Variants in PTPRD observed in about 807,000 individuals in gnomAD.
PTPRD encodes the protein protein tyrosine phosphatase receptor type D.
Under a neutral mutation model 214.5 loss-of-function variants are expected in PTPRD, and 34 were observed. That is an observed-to-expected ratio of 0.16 (90% CI 0.12 to 0.21). The LOEUF is 0.21. PTPRD is among the 10% of genes least tolerant of loss of function. PTPRD has a pLI of 1.00. For missense variants in PTPRD, 2,545 were observed against 2,398.7 expected, an observed-to-expected ratio of 1.06 and a Z score of -1.27; for synonymous variants, 1,128 against 845.7, an observed-to-expected ratio of 1.33 and a Z score of -5.79.
At chr9:9,145,747 G>C (rs996711508) in intron 10 of PTPRD, among the ~76,000 whole-genome samples, 1 of 152,160 alleles carries the variant, frequency 6.6e-6, no homozygotes, top group Non-Finnish European at 1.5e-5. Context: ...AATAGAACTG[G>C]ATCTTGGTCA....
In PTPRD at chr9:8,929,955, A is replaced by G. The variant is rs1209095214; in HGVS notation, c.-104+88742T>C. On this transcript the variant is annotated intron_variant, in intron 11 of 45. Coordinates refer to ENST00000381196, the MANE Select transcript of PTPRD (RefSeq NM_002839.4). The stretch of plus-strand genomic sequence containing the variant: ...TGTATATATATATGTGTGTGTGTGT[A>G]TATATATATATAACTATTATTATAC... 5.4e-5 allele frequency among the ~76,000 whole-genome samples: 8 copies of G among 148,958 alleles called. 2 individuals are homozygous for G. Among genetic ancestry groups the G allele is most frequent in the South Asian group, 2.1e-4 (1 of 4,750 alleles).
At chr9:9,015,303 T>A (rs182496721) in intron 11 of PTPRD, among the ~76,000 whole-genome samples, 8 of 152,174 alleles carry the variant, frequency 5.3e-5, no homozygotes, top group Admixed American at 5.2e-4. Flanking sequence ...CATAAAGACG[T>A]TGCTGATAAA....
At chr9:10,225,472 C>A (rs1363972992) in intron 3 of PTPRD, among the ~76,000 whole-genome samples, 1 of 151,886 alleles carries the variant, frequency 6.6e-6, no homozygotes, top group East Asian at 1.9e-4. Context: ...AATGTAAGAT[C>A]ATAGAGGGTG....
intron 7 of PTPRD, among the ~76,000 whole-genome samples, chr9:9,727,294 AC>A (rs992663446): frequency 6.6e-6 from 1 of 152,080 alleles, no homozygotes; most frequent in African/African-American, 2.4e-5. Context: ...TACTAAAAAT[AC>A]AAAAAGTTAG....
chr9:10,601,254 G>A (rs909249348), intron 2 of PTPRD, among the ~76,000 whole-genome samples: 1 of 151,534 alleles, frequency 6.6e-6, no homozygotes, highest in African/African-American at 2.4e-5. Flanking sequence ...GTAATATTTG[G>A]TAAGGCCTTG....
At chr9:10,230,440 C>CTATG (rs1207204714) in intron 3 of PTPRD, among the ~76,000 whole-genome samples, 4,004 of 132,556 alleles carry the variant, frequency 0.03, 64 homozygotes, top group Non-Finnish European at 0.045. Flanking sequence ...ATCTATGTAT[C>CTATG]TATCTATCTA....
chr9:10,038,687 T>A (rs1212561102), intron 3 of PTPRD, among the ~76,000 whole-genome samples: 1 of 152,122 alleles, frequency 6.6e-6, no homozygotes, highest in Non-Finnish European at 1.5e-5. Context: ...CATTACACCT[T>A]GAAAATATTT....
chr9:9,658,793 G>A (rs1352287560), intron 7 of PTPRD, among the ~76,000 whole-genome samples: 1 of 152,076 alleles, frequency 6.6e-6, no homozygotes, highest in Non-Finnish European at 1.5e-5. Flanking sequence ...GTTAGGTACT[G>A]TGCTTTATAA....
Position 8,500,749 on chromosome 9 carries a change from C to T in PTPRD, c.2128+5G>A, listed in dbSNP as rs1281416969. 6.2e-7 allele frequency: 1 copy of T among 1,613,744 alleles called. No homozygotes were observed. Among genetic ancestry groups the T allele is most frequent in the East Asian group, 2.2e-5 (1 of 44,872 alleles). On this transcript the variant is annotated splice_donor_5th_base_variant and intron_variant, in intron 24 of 45. Transcript: ENST00000381196. ...GTGCAAACTGACGTAGCGGAGGCAA[C>T]ATACCATCTTCATTGGTTCGAATCA...
At chr9:8,433,252 T>C (rs978196199) in intron 35 of PTPRD, among the ~76,000 whole-genome samples, 2 of 152,212 alleles carry the variant, frequency 1.3e-5, no homozygotes, top group African/African-American at 2.4e-5. Flanking sequence ...GAGATGTTGG[T>C]GTAATTAAAC....
intron 7 of PTPRD, among the ~76,000 whole-genome samples, chr9:9,608,133 T>C (rs1244203357): frequency 1.3e-5 from 2 of 152,156 alleles, no homozygotes; most frequent in African/African-American, 4.8e-5. Context: ...ATAGAGGTAA[T>C]AGTAGTAGCT....
intron 12 of PTPRD, among the ~76,000 whole-genome samples, chr9:8,715,200 G>T (rs1167469408): frequency 1.3e-5 from 2 of 152,116 alleles, no homozygotes; most frequent in African/African-American, 4.8e-5. Flanking sequence ...AAGCTCAGCA[G>T]AAAAAGCAAA....
chr9:9,646,344 G>T (rs112010287), intron 7 of PTPRD, among the ~76,000 whole-genome samples: 148 of 134,990 alleles, frequency 1.1e-3, no homozygotes, highest in African/African-American at 2.8e-3. Flanking sequence ...TGTGTGTGTG[G>T]GTGTGTGTGT....
chr9:8,736,544 T>C (rs1026940879), intron 11 of PTPRD, among the ~76,000 whole-genome samples: 3 of 152,202 alleles, frequency 2.0e-5, no homozygotes, highest in African/African-American at 4.8e-5. Context: ...ATAATGCAGA[T>C]ACCATAGTAT....
chr9:10,167,587 A>G (rs1171643486), intron 3 of PTPRD, among the ~76,000 whole-genome samples: 2 of 152,166 alleles, frequency 1.3e-5, no homozygotes, highest in African/African-American at 4.8e-5. Flanking sequence ...CATATATGGA[A>G]TATCTTATTA....
chr9:9,955,650 A>G lies in PTPRD; in HGVS notation c.-471-17040T>C, dbSNP rs191626195. ...GCCATTCTCCTGCCTCAGCCTCCCA[A>G]GTAGCTGGGACTACAGGTGCCCGCC... On this transcript the variant is annotated intron_variant, in intron 4 of 45. Coordinates refer to ENST00000381196, the MANE Select transcript of PTPRD (RefSeq NM_002839.4). 2.4e-3 allele frequency among the ~76,000 whole-genome samples: 368 copies of G among 151,888 alleles called. 3 individuals carry two copies. Among genetic ancestry groups the G allele is most frequent in the African/African-American group, 7.9e-3 (329 of 41,462 alleles).
At chr9:9,300,276 C>A (rs1336318419) in intron 9 of PTPRD, among the ~76,000 whole-genome samples, 1 of 151,556 alleles carries the variant, frequency 6.6e-6, no homozygotes, top group Non-Finnish European at 1.5e-5. Flanking sequence ...AGTCCATCCC[C>A]TGCTTCTCTG....
intron 12 of PTPRD, among the ~76,000 whole-genome samples, chr9:8,685,242 A>G (rs1252576557): frequency 1.3e-5 from 2 of 149,016 alleles, no homozygotes; most frequent in Non-Finnish European, 3.0e-5. Flanking sequence ...AAAGAAGTGC[A>G]TAAATGTAGA....
At chr9:10,092,940 C>T (rs2098447154) in intron 3 of PTPRD, among the ~76,000 whole-genome samples, 1 of 151,374 alleles carries the variant, frequency 6.6e-6, no homozygotes, top group African/African-American at 2.4e-5. Context: ...TTACCATGTA[C>T]AAAAATTAAC....
Sources: gnomAD v4.1 joint callset for allele counts (sites outside exome capture counted in the v4.1 genomes callset) on GRCh38, gnomAD v4.1.1 for gene constraint, MANE v1.5 for transcripts, NCBI Gene and HGNC (gene_info 2026-07-23, HGNC 2026-07-21) for gene names.